MYO16: variants seen among roughly 807,000 people sequenced by gnomAD.
MYO16 encodes unconventional myosin-XVI.
MYO16 carries 94 observed loss-of-function variants against 205.3 expected under a neutral mutation model. That is an observed-to-expected ratio of 0.46 (90% CI 0.39 to 0.54). The LOEUF is 0.54. Among genes scored for constraint, MYO16 ranks in the 20% least tolerant of loss-of-function variants. The pLI is 0.00. For synonymous variants in MYO16, 988 were observed against 954.0 expected (o/e 1.04, Z -0.66); for missense variants, 2,315 against 2,387.5 (o/e 0.97, Z 0.63).
intron 4 of MYO16, chr13:108,779,705 G>T (rs1369670468): frequency 6.6e-6 from 1 of 152,160 alleles, no homozygotes; most frequent in South Asian, 2.1e-4. Context: ...CTCGCCCAGG[G>T]ACGTGCGCCC....
chr13:108,805,062 A>G (rs561270394), intron 6 of MYO16, among the ~76,000 whole-genome samples: 85 of 152,358 alleles, frequency 5.6e-4, no homozygotes, highest in African/African-American at 2.0e-3. Flanking sequence ...TCTGAGATTC[A>G]GATTATTGCA....
At chr13:109,150,523 C>A (rs142352621) in intron 32 of MYO16, among the ~76,000 whole-genome samples, 3 of 152,188 alleles carry the variant, frequency 2.0e-5, no homozygotes, top group African/African-American at 7.2e-5. Context: ...TGAGAAATTA[C>A]CTTAACATAT....
At chr13:109,005,437 A>T (rs963319778) in intron 21 of MYO16, among the ~76,000 whole-genome samples, 1 of 152,142 alleles carries the variant, frequency 6.6e-6, no homozygotes, top group African/African-American at 2.4e-5. Flanking sequence ...TACTATTTGA[A>T]TGTCAATATG....
intron 4 of MYO16, among the ~76,000 whole-genome samples, chr13:108,782,878 A>G (rs1886347703): frequency 6.6e-6 from 1 of 152,164 alleles, no homozygotes; most frequent in African/African-American, 2.4e-5. Context: ...AGGTTTAGGA[A>G]TCTCAGCCTA....
At chr13:108,563,944 A>T in the MYO16 span, among the ~76,000 whole-genome samples, 8 of 152,168 alleles carry the variant, frequency 5.3e-5, no homozygotes, top group African/African-American at 1.9e-4. Flanking sequence ...ATTTGTACTA[A>T]CTTACATTCC....
At chr13:109,137,368 C>T (rs1057490668) in intron 31 of MYO16, among the ~76,000 whole-genome samples, 1 of 152,190 alleles carries the variant, frequency 6.6e-6, no homozygotes, top group Non-Finnish European at 1.5e-5. Context: ...GAGCATGTGG[C>T]GCTGAAAATA....
Position 109,127,363 on chromosome 13 carries a change from C to T in MYO16, c.3864C>T (p.Cys1288=), listed in dbSNP as rs144565184. The T allele has an allele frequency of 2.9e-5, 47 of 1,613,492 alleles. No homozygotes were observed. Among genetic ancestry groups the T allele is most frequent in the Non-Finnish European group, 3.8e-5 (45 of 1,179,762 alleles). ...VCAAVDGLGQ[C]LVGPSIWSPS... is the part of the protein sequence containing the mutation. Reference sequence around the variant, plus strand: ...CGGCCGTGGATGGCCTGGGCCAGTGCCTCGTTGGCCCGTCCATCTGGTCTC... The same window carrying T: ...CGGCCGTGGATGGCCTGGGCCAGTGTCTCGTTGGCCCGTCCATCTGGTCTC... The change falls in exon 31 of 35, where the codon TGC becomes TGT. Residue 1288 remains cysteine, a synonymous_variant. Coordinates refer to ENST00000457511, the MANE Select transcript of MYO16 (RefSeq NM_001198950.3). The surrounding 1 kb of genome is among the most constrained non-coding windows in gnomAD (Gnocchi z 4.2).
At chr13:109,201,395 G>A (rs1369711717) in intron 34 of MYO16, 1 of 144,256 alleles carries the variant, frequency 6.9e-6, no homozygotes, top group African/African-American at 2.6e-5. Flanking sequence ...AACATTTCAA[G>A]CATATAATTT....
rs898085132 is a variant in MYO16, at chr13:108,841,590, A to T, written c.1098-2753A>T. Among the ~76,000 whole-genome samples the T allele has an allele frequency of 7.9e-5, 12 of 152,174 alleles. 1 individual carries two copies. The East Asian group carries it at 1.9e-3, about 24-fold the overall frequency. On this transcript the variant is annotated intron_variant, in intron 9 of 34. Coordinates refer to ENST00000457511, the MANE Select transcript of MYO16 (RefSeq NM_001198950.3). ...CAATTATGCAAATAAAACTACAAAG[A>T]TGCTGAGTGGGAGAGAATATTTGCC...
At chr13:108,793,950 G>A (rs145885529) in intron 6 of MYO16, among the ~76,000 whole-genome samples, 2,475 of 152,200 alleles carry the variant, frequency 0.016, 30 homozygotes, top group Non-Finnish European at 0.027. Context: ...CAAGGTGGAC[G>A]GGATAAAGAA....
chr13:109,065,597 G>A (rs1887722698), intron 27 of MYO16: 2 of 470,530 alleles, frequency 4.3e-6, no homozygotes, highest in South Asian at 1.6e-5. Context: ...GTTTTATATG[G>A]TCTCAGCCAC....
At chr13:108,584,186 C>T in the MYO16 span, among the ~76,000 whole-genome samples, 57 of 152,262 alleles carry the variant, frequency 3.7e-4, no homozygotes, top group African/African-American at 1.3e-3. Context: ...ATCTCCTGAC[C>T]TCATGATCCA....
At chr13:108,818,379 G>A (rs577272079) in intron 7 of MYO16, among the ~76,000 whole-genome samples, 8 of 39,522 alleles carry the variant, frequency 2.0e-4, no homozygotes, top group South Asian at 5.3e-3. Flanking sequence ...GTGAAACAAC[G>A]TCTCAAAAAA....
At chr13:108,920,659 A>G (rs1430983145) in intron 16 of MYO16, among the ~76,000 whole-genome samples, 2 of 152,058 alleles carry the variant, frequency 1.3e-5, no homozygotes, top group Non-Finnish European at 2.9e-5. Context: ...GGGTTTCACC[A>G]TGTTGGCCAG....
At chr13:108,876,514 C>T (rs1268875571) in intron 12 of MYO16, among the ~76,000 whole-genome samples, 2 of 152,058 alleles carry the variant, frequency 1.3e-5, no homozygotes, top group Non-Finnish European at 2.9e-5. Context: ...TACTTATTTT[C>T]GTAAGCAGTG....
the MYO16 span, among the ~76,000 whole-genome samples, chr13:108,534,595 C>T: frequency 2.5e-3 from 381 of 151,916 alleles, 1 homozygote; most frequent in Non-Finnish European, 4.3e-3. Context: ...GTGGGAAACA[C>T]GGAGTCTCTA....
chr13:109,145,917 G>A (rs1054601365), intron 32 of MYO16, among the ~76,000 whole-genome samples: 1 of 152,204 alleles, frequency 6.6e-6, no homozygotes, highest in African/African-American at 2.4e-5. Context: ...AGACAGCCAG[G>A]CCGAATTAAC....
At chr13:109,068,129 T>C (rs35525322) in intron 27 of MYO16, among the ~76,000 whole-genome samples, 10,183 of 152,156 alleles carry the variant, frequency 0.067, 381 homozygotes, top group Non-Finnish European at 0.084. Flanking sequence ...GCAATATACT[T>C]TTAATACAAT....
chr13:108,805,573 A>T (rs1372193111), intron 6 of MYO16, among the ~76,000 whole-genome samples: 1 of 151,592 alleles, frequency 6.6e-6, no homozygotes, highest in East Asian at 1.9e-4. Flanking sequence ...TTCTTTTCTG[A>T]TAGTTTCTTC....
Sources: allele counts gnomAD v4.1 joint callset (sites outside exome capture counted in the v4.1 genomes callset), GRCh38; gene constraint gnomAD v4.1.1; non-coding constraint Gnocchi (gnomAD v3.1); transcripts MANE v1.5; gene names NCBI Gene and HGNC (gene_info 2026-07-23, HGNC 2026-07-21).